ATF2: variants seen among roughly 807,000 people sequenced by gnomAD.
The protein encoded by ATF2 is cyclic AMP-dependent transcription factor ATF-2.
Under a neutral mutation model 60.6 loss-of-function variants are expected in ATF2, and 24 were observed. The observed-to-expected ratio is 0.40, with a 90% CI of 0.29 to 0.56. The LOEUF (loss-of-function observed/expected upper bound fraction) is 0.56. ATF2 is among the 20% of genes least tolerant of loss of function. ATF2 has a pLI of 0.54. For missense variants in ATF2, 433 were observed against 607.7 expected, an observed-to-expected ratio of 0.71 and a Z score of 3.02; for synonymous variants, 206 against 215.4, an observed-to-expected ratio of 0.96 and a Z score of 0.38.
Position 175,130,203 on chromosome 2 carries a change from A to T in ATF2, c.37T>A (p.Tyr13Asn). Residue 13 changes from tyrosine (Y) to asparagine (N), a missense_variant, in exon 4 of 14, where the codon TAC (tyrosine) becomes AAC (asparagine). Tyr to Asn is a moderately radical substitution (Grantham distance 143). This residue lies in a region of ATF2 where 20 missense variants were observed against 16.9 expected (regional missense o/e 1.19). Transcript: ENST00000264110. ...FKLHVNSARQ[Y>N]KDLWNMSDDK... ...TCACTCATATTCCACAGGTCCTTGT[A>T]TTGCCTATAATCAAACAGAAGACAC... The T allele has an allele frequency of 6.4e-7, 1 of 1,574,314 alleles. No homozygotes were observed. Among genetic ancestry groups the T allele is most frequent in the Middle Eastern group, 1.9e-4 (1 of 5,324 alleles).
At chr2:175,162,953 GA>G (rs1700112509) in intron 1 of ATF2, among the ~76,000 whole-genome samples, 1 of 152,142 alleles carries the variant, frequency 6.6e-6, no homozygotes, top group South Asian at 2.1e-4. Context: ...CTAACACGGT[GA>G]AACCCCGTCT....
At chr2:175,130,087 G>T in intron 4 of ATF2, 51 bp downstream of exon 4, 1 of 1,276,670 alleles carries the variant, frequency 7.8e-7, no homozygotes, top group Non-Finnish European at 1.1e-6. Context: ...TATCATCAAT[G>T]TTTTAATAAG....
chr2:175,162,014 G>A (rs1343830906), intron 1 of ATF2, among the ~76,000 whole-genome samples: 1 of 152,118 alleles, frequency 6.6e-6, no homozygotes, highest in East Asian at 1.9e-4. Flanking sequence ...ACCTGCCTAG[G>A]CCTCCCAAAA....
chr2:175,116,266 C>T (rs1153676), intron 7 of ATF2, among the ~76,000 whole-genome samples: 3 of 151,854 alleles, frequency 2.0e-5, no homozygotes, highest in Admixed American at 6.6e-5. Context: ...TTTGGGCTTA[C>T]GTGGTGTCAC....
intron 1 of ATF2, among the ~76,000 whole-genome samples, chr2:175,165,639 C>T (rs189700789): frequency 6.6e-6 from 1 of 152,266 alleles, no homozygotes; most frequent in Non-Finnish European, 1.5e-5. Flanking sequence ...CCACCCCAAC[C>T]CCACTATTTG....
rs539709146 is a variant in ATF2 at position 175,082,466 on chromosome 2, TCCAATGTATATTAC to T, written c.1186-1715_1186-1702del. 6.6e-5 allele frequency among the ~76,000 whole-genome samples: 10 copies of T among 152,298 alleles called. No homozygotes were observed. In the South Asian group the frequency reaches 1.2e-3, roughly 19 times the overall value. On this transcript the variant is annotated intron_variant, in intron 12 of 13. Coordinates refer to ENST00000264110, the MANE Select transcript of ATF2 (RefSeq NM_001880.4). The stretch of plus-strand genomic sequence containing the variant: ...ATTGATGAAACCATGTTATGAATAA[TCCAATGTATATTAC>T]CCAATGTATATTACCCATCCTGTCA...
chr2:175,081,588 A>C (rs1693760595), intron 12 of ATF2, among the ~76,000 whole-genome samples: 3 of 152,214 alleles, frequency 2.0e-5, no homozygotes, highest in South Asian at 4.1e-4. Context: ...AATATAAAAA[A>C]TTCTTAGCTT....
intron 2 of ATF2, among the ~76,000 whole-genome samples, chr2:175,141,350 C>T (rs1313409534): frequency 6.6e-6 from 1 of 151,878 alleles, no homozygotes; most frequent in East Asian, 1.9e-4. Flanking sequence ...CTCTCTGTCT[C>T]CTACTGGCAG....
intron 1 of ATF2, among the ~76,000 whole-genome samples, chr2:175,152,980 G>C (rs1049317753): frequency 1.3e-5 from 2 of 152,154 alleles, no homozygotes; most frequent in African/African-American, 4.8e-5. Flanking sequence ...TATTTGTATA[G>C]AGATATTTGG....
At chr2:175,098,869 A>G (rs1280458998) in intron 10 of ATF2, among the ~76,000 whole-genome samples, 1 of 152,076 alleles carries the variant, frequency 6.6e-6, no homozygotes, top group Non-Finnish European at 1.5e-5. Flanking sequence ...ATCATATGTG[A>G]TCCAGATCCC....
At chr2:175,130,270 A>T (rs1312192216) in intron 3 of ATF2, 63 bp from the exon 4 acceptor site, 6 of 1,088,322 alleles carry the variant, frequency 5.5e-6, no homozygotes, top group Non-Finnish European at 7.6e-6. Flanking sequence ...TTTAAAATAT[A>T]AATCTCAAGA....
chr2:175,113,845 G>A, intron 9 of ATF2, 149 bp downstream of exon 9: 2 of 734,542 alleles, frequency 2.7e-6, no homozygotes, highest in South Asian at 3.4e-5. Flanking sequence ...AATGGTATAT[G>A]CTATTACAAT....
chr2:175,105,789 G>GT lies in ATF2; in HGVS notation c.828+5778dup, dbSNP rs1159774944. ...AGGAAAATCAAATATACCAAAGATG[G>GT]TAAGTTCCCAAACCACAATGTAATT... On this transcript the variant is annotated intron_variant, in intron 10 of 13. Transcript: ENST00000264110. Among the ~76,000 whole-genome samples the GT allele has an allele frequency of 5.9e-5, 9 of 152,166 alleles. No homozygotes were observed. The East Asian group carries it at 9.6e-4, about 16-fold the overall frequency.
intron 3 of ATF2, 110 bp from the exon 4 acceptor site, chr2:175,130,317 C>G: frequency 1.7e-6 from 1 of 589,308 alleles, no homozygotes; most frequent in Non-Finnish European, 2.7e-6. Flanking sequence ...TATTTTAATA[C>G]AAAATAAAAC....
chr2:175,148,183 T>C (rs1441185261), intron 2 of ATF2, among the ~76,000 whole-genome samples: 1 of 152,200 alleles, frequency 6.6e-6, no homozygotes, highest in Non-Finnish European at 1.5e-5. Context: ...GTCTTGTGAT[T>C]GGATCCGAGA....
intron 1 of ATF2, among the ~76,000 whole-genome samples, chr2:175,152,305 G>C (rs1699362329): frequency 6.6e-6 from 1 of 152,008 alleles, no homozygotes; most frequent in Non-Finnish European, 1.5e-5. Context: ...ACAAAAGAAA[G>C]GAAAAATATG....
At chr2:175,124,790 A>G (rs1289108715) in intron 4 of ATF2, among the ~76,000 whole-genome samples, 1 of 151,982 alleles carries the variant, frequency 6.6e-6, no homozygotes, top group Admixed American at 6.6e-5. Flanking sequence ...CCAAAGAAAC[A>G]TTTTTCAATG....
chr2:175,152,324 A>C (rs1393021288), intron 1 of ATF2, among the ~76,000 whole-genome samples: 6 of 152,198 alleles, frequency 3.9e-5, no homozygotes, highest in African/African-American at 1.4e-4. Flanking sequence ...TGAAGACCAG[A>C]ATGACAACAT....
chr2:175,103,721 C>T (rs1273304930), intron 10 of ATF2, among the ~76,000 whole-genome samples: 1 of 149,400 alleles, frequency 6.7e-6, no homozygotes, highest in Admixed American at 6.7e-5. Flanking sequence ...TATTTAAATA[C>T]TTTACTAAAT....
Sources: gnomAD v4.1 joint callset for allele counts (sites outside exome capture counted in the v4.1 genomes callset) on GRCh38, gnomAD v4.1.1 for gene constraint, gnomAD v4.1.1 regional missense constraint, MANE v1.5 for transcripts, NCBI Gene and HGNC (gene_info 2026-07-23, HGNC 2026-07-21) for gene names.